The following RPF1 variants were observed in gnomAD, a reference collection of about 807,000 sequenced individuals.
RPF1 encodes ribosome production factor 1.
Under a neutral mutation model 41.9 loss-of-function variants are expected in RPF1, and 34 were observed. The observed-to-expected ratio is 0.81, with a 90% CI of 0.62 to 1.08. The LOEUF is 1.08. Among genes scored for constraint, RPF1 ranks in the 50% least tolerant of loss-of-function variants. The pLI is 0.00. For synonymous variants in RPF1, 140 were observed against 148.9 expected (o/e 0.94, Z 0.43); for missense variants, 425 against 435.2 (o/e 0.98, Z 0.21).
intron 3 of RPF1, among the ~76,000 whole-genome samples, chr1:84,485,530 T>A (rs1290246959): frequency 2.0e-5 from 3 of 152,204 alleles, no homozygotes; most frequent in African/African-American, 7.2e-5. Flanking sequence ...ATCAAAAAGT[T>A]TTGAATTTGG....
In RPF1 at chr1:84,498,180, T is replaced by TTTAA. The variant is rs1681979529; in HGVS notation, c.*713_*716dup. Reference sequence around the variant, plus strand: ...AAAGAATAAAGGTTCACAGTTTACCTTTAATTCCCTAGCAGTCTTGCCAGA... The same window carrying TTTAA: ...AAAGAATAAAGGTTCACAGTTTACCTTTAATTAATTCCCTAGCAGTCTTGCCAGA... On this transcript the variant is annotated 3_prime_UTR_variant, in exon 9 of 9. Transcript: ENST00000370654. 6.6e-6 allele frequency: 1 copy of TTTAA among 152,376 alleles called. No individual in the cohort carries two copies. The highest frequency in any genetic ancestry group is 2.4e-5 in the African/African-American group (1 of 41,454). 9.4% of individuals were successfully genotyped at this position (152,376 alleles called of 1,614,324 possible). A position where few individuals can be genotyped will look rare whatever the true frequency, so the allele number is the denominator to read the frequency against.
intron 5 of RPF1, among the ~76,000 whole-genome samples, 192 bp from the exon 6 acceptor site, chr1:84,495,181 A>G (rs115310357): frequency 0.054 from 8,214 of 152,292 alleles, 307 homozygotes; most frequent in Non-Finnish European, 0.077. Context: ...AGGTTAGTCT[A>G]TATTCTTGAA....
chr1:84,496,146 C>T (rs1681930350), intron 7 of RPF1, 83 bp downstream of exon 7: 12 of 1,463,778 alleles, frequency 8.2e-6, no homozygotes, highest in Non-Finnish European at 1.1e-5. Context: ...CATATTGTAG[C>T]AAGTATCATA....
intron 3 of RPF1, among the ~76,000 whole-genome samples, chr1:84,484,127 T>C (rs951221232): frequency 1.3e-5 from 2 of 152,144 alleles, no homozygotes; most frequent in African/African-American, 4.8e-5. Flanking sequence ...CTACCTGGAG[T>C]AGAGAGGGTT....
intron 3 of RPF1, among the ~76,000 whole-genome samples, chr1:84,486,082 G>C (rs1458426108): frequency 6.6e-6 from 1 of 152,144 alleles, no homozygotes; most frequent in African/African-American, 2.4e-5. Flanking sequence ...AACACCCAGT[G>C]CACAAGCTCC....
intron 3 of RPF1, among the ~76,000 whole-genome samples, chr1:84,485,509 G>A (rs1558540462): frequency 6.6e-6 from 1 of 152,204 alleles, no homozygotes; most frequent in Non-Finnish European, 1.5e-5. Context: ...GTGGCGCCAT[G>A]TTGGTGCTTT....
chr1:84,492,676 A>G (rs944739721), intron 5 of RPF1, among the ~76,000 whole-genome samples: 2 of 152,228 alleles, frequency 1.3e-5, no homozygotes, highest in Non-Finnish European at 2.9e-5. Context: ...CTTTATCTGT[A>G]CAGACCTACA....
rs1681980480 is a variant in RPF1, at chr1:84,498,216, A to G, written c.*746A>G. 2.0e-5 allele frequency: 3 copies of G among 152,524 alleles called. No homozygotes were observed. Among genetic ancestry groups the G allele is most frequent in the Admixed American group, 1.3e-4 (2 of 15,290 alleles). The allele number at this position is 152,524 out of a possible 1,614,324, so 9.4% of individuals were successfully genotyped here. On this transcript the variant is annotated 3_prime_UTR_variant, in exon 9 of 9. Coordinates refer to ENST00000370654, the MANE Select transcript of RPF1 (RefSeq NM_025065.7). ...AGCAGTCTTGCCAGATGTATGGCAT[A>G]AAGTCATGTGAGAAGAGTAGGTGGA... is the stretch of plus-strand genomic sequence containing the variant.
chr1:84,483,944 A>G (rs748700003), intron 3 of RPF1, among the ~76,000 whole-genome samples: 2 of 152,172 alleles, frequency 1.3e-5, no homozygotes, highest in Non-Finnish European at 2.9e-5. Context: ...TTTGAGATCC[A>G]TCAGTACACA....
Position 84,489,736 on chromosome 1 carries a change from C to G in RPF1, c.462+8C>G. ...TCAGATAGACCTCATGGGGTAAACA[C>G]ATTGATTAATTTAGTTCTTGAATTC... On this transcript the variant is annotated splice_region_variant and intron_variant, in intron 4 of 8. Coordinates refer to ENST00000370654, the MANE Select transcript of RPF1 (RefSeq NM_025065.7). The G allele has an allele frequency of 6.9e-7, 1 of 1,448,204 alleles. No individual in the cohort carries two copies. Among genetic ancestry groups the G allele is most frequent in the Non-Finnish European group, 9.7e-7 (1 of 1,029,322 alleles). The allele number at this position is 1,448,204 out of a possible 1,614,324, so 89.7% of individuals were successfully genotyped here. A position where few individuals can be genotyped will look rare whatever the true frequency, so the allele number is the denominator to read the frequency against.
rs80032143 is a variant in RPF1, at chr1:84,489,495, C to G, written c.367-138C>G. On this transcript the variant is annotated intron_variant, in intron 3 of 8. Transcript: ENST00000370654. ...ATTCTCTTCACGTGTCCATTAATGTCAGTCCTTCCTAGTCTGTCTTTAAAG... is the reference window on the plus strand; with the variant it reads ...ATTCTCTTCACGTGTCCATTAATGTGAGTCCTTCCTAGTCTGTCTTTAAAG... 44 of 610,118 alleles carry G rather than the reference C, an allele frequency of 7.2e-5. No individual in the cohort carries two copies. The East Asian group carries it at 1.2e-3, about 17-fold the overall frequency. The allele number at this position is 610,118 out of a possible 1,614,324, so 37.8% of individuals were successfully genotyped here.
Position 84,496,349 on chromosome 1 carries a change from A to C in RPF1, c.987A>C (p.Gly329=), listed in dbSNP as rs143121221. Residue 329 remains glycine (G), a synonymous_variant, in exon 8 of 9, where the codon GGA becomes GGC. Coordinates refer to ENST00000370654, the MANE Select transcript of RPF1 (RefSeq NM_025065.7). ...AAGGAACCTTTGATTCTAAATATGGAGAGTATGAATGGGTCCATAAGGTAT... is the reference window on the plus strand; with the variant it reads ...AAGGAACCTTTGATTCTAAATATGGCGAGTATGAATGGGTCCATAAGGTAT... ...LQKGTFDSKY[G]EYEWVHKPRE... The C allele has an allele frequency of 6.2e-7, 1 of 1,612,416 alleles. No individual in the cohort carries two copies. Among genetic ancestry groups the C allele is most frequent in the Non-Finnish European group, 8.5e-7 (1 of 1,179,216 alleles).
chr1:84,493,219 C>A (rs1045946362), intron 5 of RPF1, among the ~76,000 whole-genome samples: 16 of 151,802 alleles, frequency 1.1e-4, no homozygotes, highest in African/African-American at 3.6e-4. Flanking sequence ...TCTCCTAGAC[C>A]CCTTAATAAA....
At chr1:84,495,787 AT>A in intron 6 of RPF1, 94 bp from the exon 7 acceptor site, 3 of 808,362 alleles carry the variant, frequency 3.7e-6, no homozygotes, top group Non-Finnish European at 5.8e-6. Flanking sequence ...CATTTTGCAA[AT>A]TTGTCATGTA....
At chr1:84,490,183 C>T (rs569925624) in intron 4 of RPF1, 136 bp from the exon 5 acceptor site, 5 of 592,714 alleles carry the variant, frequency 8.4e-6, no homozygotes, top group South Asian at 6.5e-5. Context: ...ACACACTGTT[C>T]GAGTTTCATG....
At chr1:84,488,783 G>A (rs1487519097) in intron 3 of RPF1, among the ~76,000 whole-genome samples, 1 of 151,986 alleles carries the variant, frequency 6.6e-6, no homozygotes, top group Non-Finnish European at 1.5e-5. Context: ...GTTATTAGAT[G>A]TTTTCTTTGC....
intron 6 of RPF1, 64 bp downstream of exon 6, chr1:84,495,519 T>C (rs926873927): frequency 1.3e-6 from 1 of 744,284 alleles, no homozygotes; most frequent in African/African-American, 1.8e-5. Flanking sequence ...GATCAATAGA[T>C]GCTGTATCTT....
chr1:84,484,597 G>T (rs969439844), intron 3 of RPF1, among the ~76,000 whole-genome samples: 4 of 151,840 alleles, frequency 2.6e-5, no homozygotes, highest in Admixed American at 1.3e-4. Flanking sequence ...TTCGCCTGGG[G>T]TTTCCTCTGA....
intron 3 of RPF1, among the ~76,000 whole-genome samples, chr1:84,485,633 A>G (rs1681723011): frequency 6.6e-6 from 1 of 152,206 alleles, no homozygotes; most frequent in South Asian, 2.1e-4. Context: ...TCTTACCAAG[A>G]GTCACCTGAT....
Sources: gnomAD v4.1 joint callset for allele counts (sites outside exome capture counted in the v4.1 genomes callset) on GRCh38, gnomAD v4.1.1 for gene constraint, MANE v1.5 for transcripts, NCBI Gene and HGNC (gene_info 2026-07-23, HGNC 2026-07-21) for gene names.